The following FNIP1 variants were observed in gnomAD, a reference collection of about 807,000 sequenced individuals.
FNIP1 encodes the protein folliculin interacting protein 1.
FNIP1 carries 40 observed loss-of-function variants against 124.5 expected under a neutral mutation model. The ratio of observed to expected loss-of-function variants is 0.32; its 90% CI spans 0.25 to 0.42. The LOEUF (loss-of-function observed/expected upper bound fraction) is 0.42. Among genes scored for constraint, FNIP1 ranks in the 10% least tolerant of loss-of-function variants. The probability of loss-of-function intolerance (pLI) is 1.00; values close to 1 mark genes in which losing one functional copy is unlikely to be tolerated. For synonymous variants in FNIP1, 472 were observed against 470.6 expected, an observed-to-expected ratio of 1.00 and a Z score of -0.04; for missense variants, 1,176 against 1,403.7, an observed-to-expected ratio of 0.84 and a Z score of 2.59.
chr5:131,710,996 G>C (rs772852049), intron 6 of FNIP1, among the ~76,000 whole-genome samples: 1 of 152,084 alleles, frequency 6.6e-6, no homozygotes, highest in Non-Finnish European at 1.5e-5. Context: ...GAAAAAGTAC[G>C]ATAATGTTAT....
At chr5:131,750,321 G>C (rs1770828450) in intron 1 of FNIP1, among the ~76,000 whole-genome samples, 1 of 151,986 alleles carries the variant, frequency 6.6e-6, no homozygotes, top group African/African-American at 2.4e-5. Context: ...AAGAAGGAGA[G>C]TGGGAGGCAG....
chr5:131,784,023 A>G (rs1182485226), intron 1 of FNIP1, among the ~76,000 whole-genome samples: 2 of 148,330 alleles, frequency 1.3e-5, no homozygotes, highest in Non-Finnish European at 3.0e-5. Flanking sequence ...AAAAAAAAAG[A>G]AGGAAAAACA....
At chr5:131,725,627 T>G (rs1358759533) in intron 3 of FNIP1, among the ~76,000 whole-genome samples, 1 of 152,212 alleles carries the variant, frequency 6.6e-6, no homozygotes, top group African/African-American at 2.4e-5. Flanking sequence ...AAATATACAA[T>G]CATGTCATCT....
intron 11 of FNIP1, among the ~76,000 whole-genome samples, chr5:131,687,004 T>A (rs1378087218): frequency 6.6e-6 from 1 of 151,078 alleles, no homozygotes; most frequent in African/African-American, 2.4e-5. Context: ...TCTGAATGGT[T>A]TTTTTTTCCT....
intron 13 of FNIP1, among the ~76,000 whole-genome samples, chr5:131,673,179 CTGGGACTA>C (rs1389469889): frequency 2.0e-5 from 3 of 151,512 alleles, no homozygotes; most frequent in Non-Finnish European, 4.4e-5. Flanking sequence ...TCCTGAGTAG[CTGGGACTA>C]TAAGCGCGTG....
intron 13 of FNIP1, among the ~76,000 whole-genome samples, chr5:131,673,645 C>T (rs984938000): frequency 2.0e-5 from 3 of 152,132 alleles, no homozygotes; most frequent in Non-Finnish European, 4.4e-5. Flanking sequence ...AGACAAAGCA[C>T]AATATCCACT....
At chr5:131,743,294 T>C (rs1288873057) in intron 2 of FNIP1, among the ~76,000 whole-genome samples, 6 of 151,978 alleles carry the variant, frequency 3.9e-5, no homozygotes. Flanking sequence ...AAAAGTTTTA[T>C]AATAAAAAGA....
intron 1 of FNIP1, among the ~76,000 whole-genome samples, chr5:131,783,051 T>G (rs1319370510): frequency 6.6e-6 from 1 of 152,278 alleles, no homozygotes. Context: ...TACAGCGTAG[T>G]GTAAATGTAA....
intron 8 of FNIP1, among the ~76,000 whole-genome samples, chr5:131,707,765 G>C (rs1022778040): frequency 6.6e-6 from 1 of 151,364 alleles, no homozygotes; most frequent in African/African-American, 2.4e-5. Flanking sequence ...AACCCTATTA[G>C]AAAAAAAAGA....
chr5:131,677,731 A>G lies in FNIP1; in HGVS notation c.1491T>C (p.His497=). 1 of 1,614,148 alleles carries G rather than the reference A, an allele frequency of 6.2e-7. No individual in the cohort carries two copies. Among genetic ancestry groups the G allele is most frequent in the East Asian group, 2.2e-5 (1 of 44,876 alleles). Residue 497 remains histidine, a synonymous_variant, in exon 13 of 18, where the codon CAT becomes CAC. Transcript: ENST00000510461. ...GTTGTGCCCAAAGTGGGTTATATGGATGAGTCTTTGCCAACATGTCCACAC... is the reference window on the plus strand; with the variant it reads ...GTTGTGCCCAAAGTGGGTTATATGGGTGAGTCTTTGCCAACATGTCCACAC... ...SQSVDMLAKT[H]PYNPLWAQLG... is the part of the protein sequence containing the mutation.
chr5:131,715,059 T>A (rs762707432), intron 6 of FNIP1, among the ~76,000 whole-genome samples: 13 of 152,224 alleles, frequency 8.5e-5, no homozygotes, highest in African/African-American at 3.1e-4. Flanking sequence ...TGCAAGTAAA[T>A]GTTGCTCATT....
chr5:131,675,790 G>C (rs1228272609), intron 13 of FNIP1, among the ~76,000 whole-genome samples: 1 of 152,154 alleles, frequency 6.6e-6, no homozygotes, highest in Non-Finnish European at 1.5e-5. Flanking sequence ...GGAAACTTTT[G>C]TAAGTGATGC....
At chr5:131,678,951 A>T (rs1454292763) in intron 12 of FNIP1, 78 bp downstream of exon 12, 7 of 967,752 alleles carry the variant, frequency 7.2e-6, no homozygotes, top group Non-Finnish European at 1.1e-5. Context: ...AATTCCAAAG[A>T]TAATGGATGA....
At chr5:131,751,599 A>G (rs1488238375) in intron 1 of FNIP1, among the ~76,000 whole-genome samples, 1 of 152,126 alleles carries the variant, frequency 6.6e-6, no homozygotes, top group Non-Finnish European at 1.5e-5. Flanking sequence ...AAGAAAAAAC[A>G]AATGTGCTTT....
In FNIP1 at chr5:131,732,988, G is replaced by C. The variant is rs537284751; in HGVS notation, c.220-1950C>G. On this transcript the variant is annotated intron_variant, in intron 2 of 17. Coordinates refer to ENST00000510461, the MANE Select transcript of FNIP1 (RefSeq NM_133372.3). The stretch of plus-strand genomic sequence containing the variant: ...ATGGAATGTTCTTCCATTTGTTTGT[G>C]TCCTCTTTTATTTCGTTGAGCAGTG... Among the ~76,000 whole-genome samples, 14 of 152,136 alleles carry C rather than the reference G, an allele frequency of 9.2e-5. No individual in the cohort carries two copies. The South Asian group carries it at 2.9e-3, about 32-fold the overall frequency.
chr5:131,710,699 CT>C (rs1184046666), intron 6 of FNIP1, 38 bp from the exon 7 acceptor site: 2 of 1,586,576 alleles, frequency 1.3e-6, no homozygotes, highest in East Asian at 4.5e-5. Flanking sequence ...TGAAAGAGGA[CT>C]GTTAGAGAAG....
intron 2 of FNIP1, among the ~76,000 whole-genome samples, chr5:131,737,984 A>T (rs1433833944): frequency 6.6e-6 from 1 of 152,222 alleles, no homozygotes; most frequent in East Asian, 1.9e-4. Flanking sequence ...TTTCAGGATG[A>T]AACTGTTCCA....
At chr5:131,742,300 C>T (rs1462419125) in intron 2 of FNIP1, among the ~76,000 whole-genome samples, 2 of 152,148 alleles carry the variant, frequency 1.3e-5, no homozygotes, top group African/African-American at 4.8e-5. Flanking sequence ...CCCATTTCTA[C>T]TAAAAATGTA....
chr5:131,734,284 A>G (rs1427663738), intron 2 of FNIP1, among the ~76,000 whole-genome samples: 1 of 152,046 alleles, frequency 6.6e-6, no homozygotes, highest in African/African-American at 2.4e-5. Flanking sequence ...CAGCTCCTGG[A>G]TTCATGGATT....
Sources: gnomAD v4.1 joint callset for allele counts (sites outside exome capture counted in the v4.1 genomes callset) on GRCh38, gnomAD v4.1.1 for gene constraint, MANE v1.5 for transcripts, NCBI Gene and HGNC (gene_info 2026-07-23, HGNC 2026-07-21) for gene names.